Variants in WNT3 observed in about 807,000 individuals in gnomAD.
WNT3 encodes proto-oncogene Wnt-3.
In WNT3, 7 loss-of-function variants were observed where a neutral mutation model predicts 34.2. That is an observed-to-expected ratio of 0.20 (90% confidence interval 0.12 to 0.38). The LOEUF is 0.38. Among genes scored for constraint, WNT3 ranks in the 10% least tolerant of loss-of-function variants. The probability of loss-of-function intolerance (pLI) is 1.00; values close to 1 mark genes in which losing one functional copy is unlikely to be tolerated. For synonymous variants in WNT3, 212 were observed against 211.5 expected, an observed-to-expected ratio of 1.00 and a Z score of -0.02; for missense variants, 267 against 499.8, an observed-to-expected ratio of 0.53 and a Z score of 4.44.
chr17:46,779,368 C>T (rs969184127), intron 1 of WNT3, among the ~76,000 whole-genome samples: 5 of 152,130 alleles, frequency 3.3e-5, no homozygotes, highest in Non-Finnish European at 7.4e-5. Context: ...AGGGGGAGGG[C>T]GGAGGACCCT....
chr17:46,812,842 C>T (rs2084293939), intron 1 of WNT3, among the ~76,000 whole-genome samples: 1 of 152,170 alleles, frequency 6.6e-6, no homozygotes, highest in Non-Finnish European at 1.5e-5. Flanking sequence ...TAGCTAACAT[C>T]GATATGCTTC....
chr17:46,817,641 C>A (rs941324742), intron 1 of WNT3, among the ~76,000 whole-genome samples: 1 of 147,034 alleles, frequency 6.8e-6, no homozygotes, highest in Non-Finnish European at 1.5e-5. Context: ...CAGCCCCCCC[C>A]AAGCACTGCT....
intron 1 of WNT3, among the ~76,000 whole-genome samples, chr17:46,784,999 G>C (rs373528464): frequency 2.7e-4 from 41 of 152,086 alleles, no homozygotes; most frequent in Non-Finnish European, 4.3e-4. Flanking sequence ...GGATGGTCTC[G>C]ATCTCCTGAC....
chr17:46,784,777 CTT>C (rs138267924), intron 1 of WNT3, among the ~76,000 whole-genome samples: 90,086 of 129,052 alleles, frequency 0.7, 31,102 homozygotes, highest in South Asian at 0.84. Context: ...TTTTGCTTTT[CTT>C]TTTTTTTTTT....
At chr17:46,806,771 C>T (rs923310216) in intron 1 of WNT3, among the ~76,000 whole-genome samples, 1 of 152,184 alleles carries the variant, frequency 6.6e-6, no homozygotes, top group Non-Finnish European at 1.5e-5. Flanking sequence ...AGGGGAGAGC[C>T]GGTTAGAGTT....
intron 1 of WNT3, among the ~76,000 whole-genome samples, chr17:46,776,861 C>T (rs373200255): frequency 2.8e-4 from 43 of 152,240 alleles, no homozygotes; most frequent in African/African-American, 1.0e-3. Flanking sequence ...ACTCGGAGAC[C>T]CTTCCTCTGC....
intron 2 of WNT3, among the ~76,000 whole-genome samples, chr17:46,771,166 G>A (rs980370144): frequency 8.5e-5 from 13 of 152,206 alleles, no homozygotes; most frequent in Non-Finnish European, 1.5e-4. Context: ...CCTACAGAGG[G>A]GCCCGTCCCA....
chr17:46,784,699 G>T (rs1268712282), intron 1 of WNT3, among the ~76,000 whole-genome samples: 1 of 151,954 alleles, frequency 6.6e-6, no homozygotes, highest in African/African-American at 2.4e-5. Context: ...AGGTCCCCAC[G>T]AGATGCACAG....
chr17:46,816,221 C>T (rs1352560294), intron 1 of WNT3, among the ~76,000 whole-genome samples: 2 of 151,772 alleles, frequency 1.3e-5, no homozygotes, highest in South Asian at 4.2e-4. Context: ...AGGCTCTGAC[C>T]TTTACATGGG....
chr17:46,799,596 C>T lies in WNT3; in HGVS notation c.80+18922G>A, dbSNP rs189999576. On this transcript the variant is annotated intron_variant, in intron 1 of 4. Coordinates refer to ENST00000225512, the MANE Select transcript of WNT3 (RefSeq NM_030753.5). Reference sequence around the variant, plus strand: ...CTGAGTAGCTGGGATTACAGGTGTGCGCCACCATGCCTGGCTACTTTTTGT... The same window carrying T: ...CTGAGTAGCTGGGATTACAGGTGTGTGCCACCATGCCTGGCTACTTTTTGT... Among the ~76,000 whole-genome samples the T allele has an allele frequency of 1.6e-3, 243 of 151,992 alleles. 1 individual carries two copies. Among genetic ancestry groups the T allele is most frequent in the African/African-American group, 3.4e-3 (139 of 41,424 alleles).
rs915033313 is a variant in WNT3, at chr17:46,767,773, G to GT, written c.*8+538dup. On this transcript the variant is annotated intron_variant, in intron 4 of 4. Coordinates refer to ENST00000225512, the MANE Select transcript of WNT3 (RefSeq NM_030753.5). Reference sequence around the variant, plus strand: ...ACCTAATGTGCACACACTGAATTTTGTTTTTTTTTGTTTGTTTGTTTGTTT... The same window carrying GT: ...ACCTAATGTGCACACACTGAATTTTGTTTTTTTTTTGTTTGTTTGTTTGTTT... Among the ~76,000 whole-genome samples, 236 of 150,614 alleles carry GT rather than the reference G, an allele frequency of 1.6e-3. 1 individual carries two copies. The highest frequency in any genetic ancestry group is 0.014 in the East Asian group (74 of 5,166).
chr17:46,805,066 G>A (rs1035449850), intron 1 of WNT3, among the ~76,000 whole-genome samples: 25 of 152,162 alleles, frequency 1.6e-4, no homozygotes, highest in African/African-American at 5.5e-4. Flanking sequence ...GCAAAGGTAC[G>A]TGGCTTCATT....
intron 1 of WNT3, among the ~76,000 whole-genome samples, chr17:46,793,084 G>T (rs561614332): frequency 4.3e-5 from 6 of 138,632 alleles, no homozygotes; most frequent in African/African-American, 1.6e-4. Context: ...AGCCGAGAAA[G>T]CAAGACCTTG....
At chr17:46,767,936 C>T (rs1226292870) in intron 4 of WNT3, among the ~76,000 whole-genome samples, 1 of 152,058 alleles carries the variant, frequency 6.6e-6, no homozygotes, top group African/African-American at 2.4e-5. Flanking sequence ...TTACAGGCAC[C>T]TGCCACAACG....
chr17:46,781,288 G>A (rs112030954), intron 1 of WNT3, among the ~76,000 whole-genome samples: 1 of 151,726 alleles, frequency 6.6e-6, no homozygotes, highest in Non-Finnish European at 1.5e-5. Flanking sequence ...ACAACGTAGA[G>A]GAAACTTGAA....
intron 2 of WNT3, among the ~76,000 whole-genome samples, chr17:46,771,394 A>G (rs1247302793): frequency 2.0e-5 from 3 of 151,398 alleles, no homozygotes; most frequent in Non-Finnish European, 2.9e-5. Context: ...GGGCGGGTTC[A>G]CAGGGCGGGC....
rs930075453 is a variant in WNT3, at chr17:46,768,002, G to A, written c.*8+310C>T. The stretch of plus-strand genomic sequence containing the variant: ...CGGGTTTCACCATGTTGGCCAGGCC[G>A]GTCTCGAACTCCTGACCTCAGGTGA... On this transcript the variant is annotated intron_variant, in intron 4 of 4. Transcript: ENST00000225512. This position sits in a 1 kb window ranked among gnomAD's most constrained non-coding sequence, Gnocchi z 5.0. Among the ~76,000 whole-genome samples the A allele has an allele frequency of 8.5e-5, 13 of 152,052 alleles. No homozygotes were observed. Among genetic ancestry groups the A allele is most frequent in the East Asian group, 5.8e-4 (3 of 5,172 alleles).
Position 46,768,871 on chromosome 17 carries a change from G to C in WNT3, c.589-72C>G. On this transcript the variant is annotated intron_variant, in intron 3 of 4. Transcript: ENST00000225512. This position sits in a 1 kb window ranked among gnomAD's most constrained non-coding sequence, Gnocchi z 5.0. ...GGGCACATCCAGGCCTTCCCTCTCT[G>C]CCACTGCCCACCCCCTTCCCTCCAG... The C allele has an allele frequency of 6.4e-7, 1 of 1,570,404 alleles. No individual in the cohort carries two copies.
chr17:46,775,897 G>A (rs1018696497), intron 1 of WNT3, among the ~76,000 whole-genome samples: 12 of 151,928 alleles, frequency 7.9e-5, no homozygotes, highest in Non-Finnish European at 1.8e-4. Flanking sequence ...ACAGGCGCGA[G>A]CCACCACGCC....
Sources: allele counts gnomAD v4.1 joint callset (sites outside exome capture counted in the v4.1 genomes callset), GRCh38; gene constraint gnomAD v4.1.1; non-coding constraint Gnocchi (gnomAD v3.1); transcripts MANE v1.5; gene names NCBI Gene and HGNC (gene_info 2026-07-23, HGNC 2026-07-21).